Variants in SLC25A18 observed in about 807,000 individuals in gnomAD.
The protein encoded by SLC25A18 is solute carrier family 25 member 18.
Under a neutral mutation model 31.1 loss-of-function variants are expected in SLC25A18, and 24 were observed. The observed-to-expected ratio is 0.77, with a 90% CI of 0.56 to 1.08. SLC25A18 has a LOEUF of 1.08. Among genes scored for constraint, SLC25A18 ranks in the 50% least tolerant of loss-of-function variants. The pLI is 0.00. For synonymous variants in SLC25A18, 173 were observed against 161.9 expected (o/e 1.07, Z -0.52); for missense variants, 371 against 418.5 (o/e 0.89, Z 0.99).
Position 17,565,531 on chromosome 22 carries a change from G to A in SLC25A18, c.-264+1818G>A, listed in dbSNP as rs147617602. On this transcript the variant is annotated intron_variant, in intron 1 of 10. Transcript: ENST00000327451. ...TAGAACTACAGACACACACCGCAGC[G>A]CCTGGCTAATTTTTTGTTTGGGGTT... is the stretch of plus-strand genomic sequence containing the variant. 4.6e-4 allele frequency among the ~76,000 whole-genome samples: 70 copies of A among 152,088 alleles called. 2 individuals carry two copies. The East Asian group carries it at 7.0e-3, about 15-fold the overall frequency.
intron 2 of SLC25A18, among the ~76,000 whole-genome samples, chr22:17,574,523 ATT>A (rs367706227): frequency 7.4e-6 from 1 of 134,500 alleles, no homozygotes; most frequent in African/African-American, 3.0e-5. Flanking sequence ...TTTTTTTTTT[ATT>A]TTTTTTTTTG....
chr22:17,589,815 G>T, intron 10 of SLC25A18, 150 bp downstream of exon 10: 1 of 789,720 alleles, frequency 1.3e-6, no homozygotes, highest in East Asian at 2.7e-5. Flanking sequence ...AAAACAGAAT[G>T]TACTGGGAGC....
intron 7 of SLC25A18, among the ~76,000 whole-genome samples, chr22:17,584,998 G>C (rs945078011): frequency 2.0e-5 from 3 of 151,956 alleles, no homozygotes; most frequent in South Asian, 4.2e-4. Context: ...TTGGTTCAGC[G>C]TGGTACACTC....
At chr22:17,583,614 T>C in intron 7 of SLC25A18, 80 bp downstream of exon 7, 1 of 1,527,748 alleles carries the variant, frequency 6.5e-7, no homozygotes, top group South Asian at 1.2e-5. Flanking sequence ...CCAACCTCAT[T>C]TGCTAGGCTG....
intron 2 of SLC25A18, among the ~76,000 whole-genome samples, chr22:17,573,431 C>T (rs1056113476): frequency 5.3e-5 from 8 of 152,190 alleles, no homozygotes; most frequent in East Asian, 3.9e-4. Flanking sequence ...GCCACCTCCA[C>T]GTTTGAAAAA....
intron 3 of SLC25A18, 31 bp from the exon 4 acceptor site, chr22:17,581,006 C>T: frequency 6.6e-7 from 1 of 1,524,364 alleles, no homozygotes; most frequent in Non-Finnish European, 8.8e-7. Context: ...CCCTCTGCCT[C>T]TCTCCTCCCC....
chr22:17,570,740 C>A (rs1434446831), intron 2 of SLC25A18, among the ~76,000 whole-genome samples: 1 of 152,172 alleles, frequency 6.6e-6, no homozygotes, highest in Non-Finnish European at 1.5e-5. Flanking sequence ...CCCGCCTTGG[C>A]CTCCCAAAGT....
At chr22:17,584,715 G>A (rs572422072) in intron 7 of SLC25A18, among the ~76,000 whole-genome samples, 49 of 143,688 alleles carry the variant, frequency 3.4e-4, no homozygotes, top group African/African-American at 1.2e-3. Context: ...AGGAGGCAGA[G>A]GTTGCAGTGA....
chr22:17,568,910 A>G (rs2057014319), intron 1 of SLC25A18, among the ~76,000 whole-genome samples: 1 of 151,740 alleles, frequency 6.6e-6, no homozygotes. Flanking sequence ...ATATTTAAGA[A>G]TGTTAGCACA....
intron 2 of SLC25A18, among the ~76,000 whole-genome samples, chr22:17,571,223 CA>C (rs934719937): frequency 6.6e-6 from 1 of 152,112 alleles, no homozygotes; most frequent in African/African-American, 2.4e-5. Flanking sequence ...AGGCTGAAGG[CA>C]AGGAGCTGAG....
chr22:17,570,097 A>G lies in SLC25A18; in HGVS notation c.-201+111A>G, dbSNP rs527796106. 3.6e-4 allele frequency: 270 copies of G among 755,296 alleles called. 1 individual carries two copies. In the South Asian group the frequency reaches 9.8e-3, roughly 27 times the overall value. 46.8% of individuals were successfully genotyped at this position (755,296 alleles called of 1,614,324 possible). A position where few individuals can be genotyped will look rare whatever the true frequency, so the allele number is the denominator to read the frequency against. On this transcript the variant is annotated intron_variant, in intron 2 of 10. Coordinates refer to ENST00000327451, the MANE Select transcript of SLC25A18 (RefSeq NM_031481.3). ...AGCAGCCAGTGGGACAGGGACACTC[A>G]TCCCATTTGTTGGATAGAGTCAGAA...
intron 1 of SLC25A18, among the ~76,000 whole-genome samples, chr22:17,568,497 A>G (rs983163322): frequency 1.3e-5 from 2 of 151,502 alleles, no homozygotes; most frequent in African/African-American, 4.8e-5. Context: ...GGACCAGTAT[A>G]AGTATGGCAG....
chr22:17,570,653 T>TA (rs2057063553), intron 2 of SLC25A18, among the ~76,000 whole-genome samples: 1 of 152,074 alleles, frequency 6.6e-6, no homozygotes, highest in Non-Finnish European at 1.5e-5. Flanking sequence ...CCTGGCTAAT[T>TA]TTTTTTTCTA....
At chr22:17,585,650 A>ATTATTATT (rs1555951983) in intron 7 of SLC25A18, among the ~76,000 whole-genome samples, 7 of 137,220 alleles carry the variant, frequency 5.1e-5, no homozygotes, top group African/African-American at 2.0e-4. Context: ...TATTATTATT[A>ATTATTATT]TTTTTTTTTT....
At chr22:17,570,579 G>A (rs1173800941) in intron 2 of SLC25A18, among the ~76,000 whole-genome samples, 1 of 152,192 alleles carries the variant, frequency 6.6e-6, no homozygotes, top group African/African-American at 2.4e-5. Flanking sequence ...CCGCCTCCTG[G>A]GTTCAAGCAA....
intron 1 of SLC25A18, among the ~76,000 whole-genome samples, chr22:17,565,168 C>A (rs1396503937): frequency 6.6e-6 from 1 of 152,040 alleles, no homozygotes; most frequent in Non-Finnish European, 1.5e-5. Flanking sequence ...TAAACTCCGC[C>A]CCCCCGGGTT....
chr22:17,581,743 T>A (rs1297824723), intron 5 of SLC25A18: 2 of 318,724 alleles, frequency 6.3e-6, no homozygotes, highest in Non-Finnish European at 1.2e-5. Context: ...CAAGGAGTTC[T>A]GGGTGGCTCC....
At chr22:17,585,656 T>TATTATTA (rs1601338326) in intron 7 of SLC25A18, among the ~76,000 whole-genome samples, 9 of 136,614 alleles carry the variant, frequency 6.6e-5, no homozygotes, top group African/African-American at 1.7e-4. Flanking sequence ...TATTATTTTT[T>TATTATTA]TTTTTTTTTT....
At position 17,588,519 on chromosome 22, in the gene SLC25A18, G is replaced by A. The variant is rs149494315; in HGVS notation, c.730+440G>A. On this transcript the variant is annotated intron_variant, in intron 9 of 10. Transcript: ENST00000327451. Reference sequence around the variant, plus strand: ...AAAAAAATTAGCAGAGTGTGGTGGCGGATGCCTGTAGTCCCAGCTACTTGG... The same window carrying A: ...AAAAAAATTAGCAGAGTGTGGTGGCAGATGCCTGTAGTCCCAGCTACTTGG... 1,099 of 178,878 alleles carry A rather than the reference G, an allele frequency of 6.1e-3. 13 individuals are homozygous for A. Among genetic ancestry groups the A allele is most frequent in the African/African-American group, 0.025 (1,028 of 41,716 alleles). The allele number at this position is 178,878 out of a possible 1,614,324, so 11.1% of individuals were successfully genotyped here.
Sources: allele counts gnomAD v4.1 joint callset (sites outside exome capture counted in the v4.1 genomes callset), GRCh38; gene constraint gnomAD v4.1.1; transcripts MANE v1.5; gene names NCBI Gene and HGNC (gene_info 2026-07-23, HGNC 2026-07-21).